BBOF1: variants seen among roughly 807,000 people sequenced by gnomAD.
The protein encoded by BBOF1 is basal body-orientation factor 1.
A neutral mutation model predicts 68.0 loss-of-function variants in BBOF1; 62 were observed. That is an observed-to-expected ratio of 0.91 (90% CI 0.74 to 1.13). The LOEUF (loss-of-function observed/expected upper bound fraction) is 1.13. BBOF1 is among the 50% of genes most tolerant of loss of function. The pLI is 0.00. For missense variants in BBOF1, 534 were observed against 600.1 expected (o/e 0.89, Z 1.15); for synonymous variants, 208 against 198.8 (o/e 1.05, Z -0.39).
At chr14:74,034,497 A>T (rs962373276) in intron 4 of BBOF1, among the ~76,000 whole-genome samples, 2 of 152,230 alleles carry the variant, frequency 1.3e-5, no homozygotes, top group African/African-American at 4.8e-5. Context: ...AAAGTAGCAG[A>T]CTTCTAAAGA....
rs753537945 is a variant in BBOF1 at position 74,042,116 on chromosome 14, C to T, written c.576+1471C>T. ...TCTCGAACTCCTGGGCTCCAGCAAT[C>T]CTTCTGCCTTGACCTCCCAAAGTGT... is the stretch of plus-strand genomic sequence containing the variant. On this transcript the variant is annotated intron_variant, in intron 5 of 11. Coordinates refer to ENST00000394009, the MANE Select transcript of BBOF1 (RefSeq NM_025057.3). Among the ~76,000 whole-genome samples, 27 of 152,310 alleles carry T rather than the reference C, an allele frequency of 1.8e-4. No homozygotes were observed. In the Middle Eastern group the frequency reaches 0.014, roughly 77 times the overall value.
intron 9 of BBOF1, chr14:74,075,088 C>G: frequency 7.2e-7 from 1 of 1,383,282 alleles, no homozygotes; most frequent in Non-Finnish European, 1.0e-6. Context: ...CAAATAGCTA[C>G]TATATGCTAT....
chr14:74,033,914 G>A (rs577993522), intron 3 of BBOF1, 114 bp from the exon 4 acceptor site: 4 of 533,916 alleles, frequency 7.5e-6, no homozygotes, highest in South Asian at 4.9e-5. Flanking sequence ...ATAGAAAAAA[G>A]GGGGGATATT....
intron 9 of BBOF1, chr14:74,071,575 G>T (rs1595125285): frequency 6.2e-7 from 1 of 1,609,380 alleles, no homozygotes. Context: ...CAGCCCTGAG[G>T]ACAGGAAGTG....
intron 3 of BBOF1, among the ~76,000 whole-genome samples, chr14:74,032,725 C>T (rs1266946869): frequency 1.3e-5 from 2 of 151,892 alleles, no homozygotes; most frequent in Non-Finnish European, 2.9e-5. Context: ...AACTCCTGAC[C>T]TCGTGATCCA....
chr14:74,065,032 C>A lies in BBOF1; in HGVS notation c.*333C>A. ...TACCCACCTTCTACCCTATCCTCTA[C>A]CCCATGAACTTTCATTCCTGAGGAA... On this transcript the variant is annotated 3_prime_UTR_variant, in exon 12 of 12. Coordinates refer to ENST00000394009, the MANE Select transcript of BBOF1 (RefSeq NM_025057.3). The A allele has an allele frequency of 7.3e-7, 1 of 1,370,050 alleles. No homozygotes were observed. The highest frequency in any genetic ancestry group is 2.5e-5 in the East Asian group (1 of 40,804). 84.9% of individuals were successfully genotyped at this position (1,370,050 alleles called of 1,614,324 possible).
intron 11 of BBOF1, among the ~76,000 whole-genome samples, chr14:74,062,844 A>G (rs2060377385): frequency 1.3e-5 from 2 of 152,220 alleles, no homozygotes; most frequent in South Asian, 4.1e-4. Context: ...GGAGACTTGT[A>G]TAACAAAACA....
intron 9 of BBOF1, chr14:74,075,122 G>A: frequency 9.9e-7 from 1 of 1,009,652 alleles, no homozygotes; most frequent in South Asian, 1.4e-5. Flanking sequence ...TAGGGGGTAT[G>A]TTTCTCTCAA....
rs1178430010 is a variant in BBOF1 at position 74,066,002 on chromosome 14, G to A, written c.*1303G>A. 7 of 154,882 alleles carry A rather than the reference G, an allele frequency of 4.5e-5. No individual in the cohort carries two copies. The highest frequency in any genetic ancestry group is 1.3e-4 in the Admixed American group (2 of 15,782). 9.6% of individuals were successfully genotyped at this position (154,882 alleles called of 1,614,324 possible). On this transcript the variant is annotated 3_prime_UTR_variant, in exon 12 of 12. Transcript: ENST00000394009. ...ATTCACTATTATAGTAAGGATATATGAATTTCAAAAAATGCCTCATAACCT... is the reference window on the plus strand; with the variant it reads ...ATTCACTATTATAGTAAGGATATATAAATTTCAAAAAATGCCTCATAACCT...
At chr14:74,030,186 A>T (rs192663061) in intron 3 of BBOF1, among the ~76,000 whole-genome samples, 1 of 152,104 alleles carries the variant, frequency 6.6e-6, no homozygotes, top group African/African-American at 2.4e-5. Flanking sequence ...TTTGATTTTT[A>T]GAGGTTGCTT....
At chr14:74,053,139 G>A (rs1399151997) in intron 8 of BBOF1, among the ~76,000 whole-genome samples, 1 of 151,730 alleles carries the variant, frequency 6.6e-6, no homozygotes, top group African/African-American at 2.4e-5. Context: ...TTTTTGAGAT[G>A]GAATCTCACT....
At chr14:74,074,507 G>A (rs2060590348) in intron 9 of BBOF1, among the ~76,000 whole-genome samples, 2 of 147,414 alleles carry the variant, frequency 1.4e-5, no homozygotes, top group Admixed American at 6.8e-5. Context: ...GGATGGTCTC[G>A]ATCTCTTGAC....
chr14:74,053,945 G>T (rs2060125508), intron 8 of BBOF1, among the ~76,000 whole-genome samples: 1 of 151,924 alleles, frequency 6.6e-6, no homozygotes, highest in African/African-American at 2.4e-5. Flanking sequence ...CACAATCTCG[G>T]CTCACTGCAA....
chr14:74,057,147 T>TG lies in BBOF1; in HGVS notation c.1468dup (p.Glu490GlyfsTer3). The TG allele has an allele frequency of 3.1e-6, 5 of 1,610,998 alleles. No homozygotes were observed. The highest frequency in any genetic ancestry group is 4.2e-6 in the Non-Finnish European group (5 of 1,177,766). On this transcript the variant is annotated frameshift_variant, in exon 11 of 12. Transcript: ENST00000394009. LOFTEE classifies it high-confidence loss of function. Reference sequence around the variant, plus strand: ...TGTTATTTTGTCATTATTGCAGGGATGAAAGTAAGCTTCAAGATAAAATCT... The same window carrying TG: ...TGTTATTTTGTCATTATTGCAGGGATGGAAAGTAAGCTTCAAGATAAAATCT...
At chr14:74,031,098 A>G (rs2059557427) in intron 3 of BBOF1, among the ~76,000 whole-genome samples, 2 of 150,594 alleles carry the variant, frequency 1.3e-5, no homozygotes, top group East Asian at 3.9e-4. Flanking sequence ...ATGTAGAGAC[A>G]TTCCCTTTTT....
intron 12 of BBOF1, among the ~76,000 whole-genome samples, chr14:74,081,563 T>C (rs1042523774): frequency 1.3e-5 from 2 of 152,182 alleles, no homozygotes; most frequent in South Asian, 4.1e-4. Flanking sequence ...TTAGCATTGT[T>C]GCTGAAGAAA....
chr14:74,043,104 T>C (rs1373117709), intron 5 of BBOF1, among the ~76,000 whole-genome samples: 1 of 152,130 alleles, frequency 6.6e-6, no homozygotes, highest in Non-Finnish European at 1.5e-5. Flanking sequence ...GGCTTTCCAA[T>C]CGGCCTGTTC....
At chr14:74,082,760 G>A (rs1221415799) in intron 12 of BBOF1, 1 of 152,140 alleles carries the variant, frequency 6.6e-6, no homozygotes, top group Non-Finnish European at 1.5e-5. Context: ...CTAGTTGGCT[G>A]AGGATTACTC....
chr14:74,045,540 C>G (rs1402728824), intron 5 of BBOF1, among the ~76,000 whole-genome samples: 1 of 152,164 alleles, frequency 6.6e-6, no homozygotes, highest in Non-Finnish European at 1.5e-5. Context: ...AACTCCTGAC[C>G]TCAGGTCATC....
Sources: gnomAD v4.1 joint callset for allele counts (sites outside exome capture counted in the v4.1 genomes callset) on GRCh38, gnomAD v4.1.1 for gene constraint, MANE v1.5 for transcripts, NCBI Gene and HGNC (gene_info 2026-07-23, HGNC 2026-07-21) for gene names.